Variants in CAP2 observed in about 807,000 individuals in gnomAD.
CAP2 encodes cyclase associated actin cytoskeleton regulatory protein 2.
CAP2 carries 24 observed loss-of-function variants against 57.7 expected under a neutral mutation model. The ratio of observed to expected loss-of-function variants is 0.42; its 90% CI spans 0.30 to 0.58. CAP2 has a LOEUF of 0.58. Ranked by LOEUF, CAP2 falls within the 20% of genes least tolerant of loss-of-function variation. The pLI, the probability that CAP2 is intolerant of heterozygous loss-of-function variation, is 0.22. For synonymous variants in CAP2, 194 were observed against 207.2 expected, an observed-to-expected ratio of 0.94 and a Z score of 0.55; for missense variants, 501 against 590.3, an observed-to-expected ratio of 0.85 and a Z score of 1.57.
chr6:17,491,416 G>GT (rs1761539458), intron 4 of CAP2, among the ~76,000 whole-genome samples: 2 of 152,272 alleles, frequency 1.3e-5, no homozygotes, highest in South Asian at 4.1e-4. Context: ...AGCTATCCAT[G>GT]ATATGCTTTT....
At chr6:17,463,735 C>T (rs1173975402) in intron 4 of CAP2, among the ~76,000 whole-genome samples, 1 of 152,096 alleles carries the variant, frequency 6.6e-6, no homozygotes, top group Non-Finnish European at 1.5e-5. Context: ...TCTCAAAACA[C>T]CAAAATTGGA....
intron 4 of CAP2, among the ~76,000 whole-genome samples, chr6:17,465,427 T>G (rs1760837535): frequency 6.6e-6 from 1 of 152,166 alleles, no homozygotes; most frequent in African/African-American, 2.4e-5. Flanking sequence ...CTGGCAGCAC[T>G]TACCACAGTG....
intron 1 of CAP2, among the ~76,000 whole-genome samples, chr6:17,399,537 C>T (rs1020482041): frequency 9.9e-5 from 15 of 152,104 alleles, no homozygotes; most frequent in African/African-American, 2.2e-4. Context: ...TTGTCTGAAA[C>T]CAGAAGAAGA....
intron 3 of CAP2, among the ~76,000 whole-genome samples, chr6:17,442,006 C>A (rs2113564366): frequency 6.6e-6 from 1 of 151,996 alleles, no homozygotes; most frequent in Non-Finnish European, 1.5e-5. Context: ...CTTTGCATAA[C>A]TCGTTATTGC....
chr6:17,417,274 ATT>A (rs34818674), intron 1 of CAP2, among the ~76,000 whole-genome samples: 96 of 137,232 alleles, frequency 7.0e-4, no homozygotes, highest in African/African-American at 1.6e-3. Context: ...TTTAAAACTG[ATT>A]TTTTTTTTTT....
chr6:17,487,108 C>T (rs1054493747), intron 4 of CAP2, among the ~76,000 whole-genome samples: 2 of 152,304 alleles, frequency 1.3e-5, no homozygotes, highest in South Asian at 2.1e-4. Context: ...TTGCTGAGCA[C>T]GTACTATGTG....
At chr6:17,411,769 C>T (rs1759146745) in intron 1 of CAP2, among the ~76,000 whole-genome samples, 1 of 152,092 alleles carries the variant, frequency 6.6e-6, no homozygotes, top group Non-Finnish European at 1.5e-5. Context: ...CCAGCAGGTT[C>T]TCCATGGCTC....
At chr6:17,439,135 AAG>A (rs779306490) in intron 3 of CAP2, among the ~76,000 whole-genome samples, 1 of 151,186 alleles carries the variant, frequency 6.6e-6, no homozygotes, top group Non-Finnish European at 1.5e-5. Context: ...AGAGAGAAAA[AAG>A]AGAGAGAGAA....
At chr6:17,420,599 T>C (rs1759413316) in intron 1 of CAP2, among the ~76,000 whole-genome samples, 1 of 152,224 alleles carries the variant, frequency 6.6e-6, no homozygotes, top group South Asian at 2.1e-4. Context: ...CAGAAGGAAT[T>C]ATTGGAAATA....
intron 7 of CAP2, among the ~76,000 whole-genome samples, chr6:17,538,285 CA>C (rs796567154): frequency 1.8e-3 from 247 of 135,502 alleles, no homozygotes; most frequent in Middle Eastern, 7.5e-3. Flanking sequence ...CCTCATCTCT[CA>C]AAAAAAAAAA....
intron 9 of CAP2, among the ~76,000 whole-genome samples, chr6:17,541,536 C>T (rs1286091798): frequency 3.3e-5 from 5 of 151,902 alleles, no homozygotes; most frequent in South Asian, 4.2e-4. Context: ...GCCGAGATCA[C>T]GCCACTGCAC....
chr6:17,534,093 C>T (rs2113691781), intron 7 of CAP2, among the ~76,000 whole-genome samples: 3 of 152,344 alleles, frequency 2.0e-5, no homozygotes, highest in Admixed American at 2.0e-4. Flanking sequence ...CTCAACTTCA[C>T]TTTCCTGTCC....
At chr6:17,538,023 T>C (rs7775675) in intron 7 of CAP2, among the ~76,000 whole-genome samples, 112,253 of 151,920 alleles carry the variant, frequency 0.74, 41,644 homozygotes, top group African/African-American at 0.78. Flanking sequence ...GCCGAGATCA[T>C]GCCACTGCAC....
rs1182518586 is a variant in CAP2 at position 17,493,290 on chromosome 6, G to A, written c.301-13879G>A. The A allele has an allele frequency of 1.9e-5, 4 of 211,218 alleles. No individual in the cohort carries two copies. The East Asian group carries it at 3.5e-4, about 18-fold the overall frequency. The allele number at this position is 211,218 out of a possible 1,614,324, so 13.1% of individuals were successfully genotyped here. ...GCATCCACTCATATAACCCAAATAA[G>A]CCACTTAAATAGTGCACCTCTCTCT... On this transcript the variant is annotated intron_variant, in intron 4 of 12. Coordinates refer to ENST00000229922, the MANE Select transcript of CAP2 (RefSeq NM_006366.3).
chr6:17,538,192 T>C (rs1762817497), intron 7 of CAP2, among the ~76,000 whole-genome samples: 1 of 151,802 alleles, frequency 6.6e-6, no homozygotes, highest in African/African-American at 2.4e-5. Context: ...TTCCAAAATA[T>C]TAAAACTGGT....
At chr6:17,485,304 T>C (rs1030587611) in intron 4 of CAP2, among the ~76,000 whole-genome samples, 5 of 152,236 alleles carry the variant, frequency 3.3e-5, no homozygotes, top group Admixed American at 6.5e-5. Context: ...TAATGTTATA[T>C]GCCAAGTACA....
intron 4 of CAP2, among the ~76,000 whole-genome samples, chr6:17,494,622 A>G (rs1353767419): frequency 6.6e-6 from 1 of 152,132 alleles, no homozygotes; most frequent in Admixed American, 6.6e-5. Context: ...GGTTTTTAAC[A>G]GTTAACATGC....
intron 3 of CAP2, among the ~76,000 whole-genome samples, chr6:17,461,218 C>CTT (rs35423332): frequency 2.0e-5 from 3 of 148,056 alleles, no homozygotes; most frequent in South Asian, 2.1e-4. Context: ...TCTTTGAAAC[C>CTT]TTTTTTTTTT....
chr6:17,458,925 C>T (rs1265224576), intron 3 of CAP2, among the ~76,000 whole-genome samples: 1 of 150,360 alleles, frequency 6.7e-6, no homozygotes, highest in Non-Finnish European at 1.5e-5. Context: ...AAAAACACCT[C>T]ACTAGTAGTA....
Sources: gnomAD v4.1 joint callset for allele counts (sites outside exome capture counted in the v4.1 genomes callset) on GRCh38, gnomAD v4.1.1 for gene constraint, MANE v1.5 for transcripts, NCBI Gene and HGNC (gene_info 2026-07-23, HGNC 2026-07-21) for gene names.